CSMD3: variants seen among roughly 807,000 people sequenced by gnomAD.
The protein encoded by CSMD3 is CUB and sushi domain-containing protein 3.
A neutral mutation model predicts 435.2 loss-of-function variants in CSMD3; 177 were observed. The ratio of observed to expected loss-of-function variants is 0.41; its 90% confidence interval spans 0.36 to 0.46. The LOEUF (loss-of-function observed/expected upper bound fraction) is 0.46. Among genes scored for constraint, CSMD3 ranks in the 20% least tolerant of loss-of-function variants. The pLI is 0.34. For missense variants in CSMD3, 4,265 were observed against 4,504.6 expected (o/e 0.95, Z 1.52); for synonymous variants, 1,656 against 1,520.5 (o/e 1.09, Z -2.07).
At chr8:113,242,858 A>C (rs985146257) in intron 3 of CSMD3, among the ~76,000 whole-genome samples, 7 of 152,072 alleles carry the variant, frequency 4.6e-5, no homozygotes, top group Non-Finnish European at 1.0e-4. Context: ...ATTCTCAATT[A>C]ATATTTACTA....
intron 27 of CSMD3, among the ~76,000 whole-genome samples, chr8:112,534,820 AG>A (rs1825897860): frequency 1.3e-5 from 2 of 152,126 alleles, no homozygotes; most frequent in Non-Finnish European, 2.9e-5. Context: ...CACATCAAAA[AG>A]TTTATCCACC....
intron 4 of CSMD3, among the ~76,000 whole-genome samples, chr8:113,145,836 A>AT (rs1219262174): frequency 6.6e-6 from 1 of 151,348 alleles, no homozygotes; most frequent in African/African-American, 2.4e-5. Context: ...ATGAGTCCCT[A>AT]TTTTTTCCCT....
At chr8:112,840,700 T>G (rs1483705328) in intron 11 of CSMD3, among the ~76,000 whole-genome samples, 2 of 151,738 alleles carry the variant, frequency 1.3e-5, no homozygotes, top group Admixed American at 6.6e-5. Context: ...TATGTGTCAA[T>G]TATAAGTAAA....
intron 5 of CSMD3, among the ~76,000 whole-genome samples, chr8:113,026,729 A>G (rs1276227152): frequency 6.6e-6 from 1 of 152,112 alleles, no homozygotes; most frequent in Non-Finnish European, 1.5e-5. Context: ...CAATATTTCA[A>G]TTTATATTAT....
chr8:112,815,133 G>A (rs777033716), intron 12 of CSMD3, among the ~76,000 whole-genome samples: 22 of 151,922 alleles, frequency 1.4e-4, no homozygotes, highest in Non-Finnish European at 2.6e-4. Flanking sequence ...TCACAGTAGA[G>A]TGACAGTTCA....
intron 2 of CSMD3, among the ~76,000 whole-genome samples, chr8:113,281,888 C>A (rs1210863686): frequency 1.3e-5 from 2 of 151,960 alleles, no homozygotes; most frequent in African/African-American, 4.8e-5. Context: ...CAAATTCTCT[C>A]AGCATTTGTT....
intron 13 of CSMD3, among the ~76,000 whole-genome samples, chr8:112,747,980 A>C (rs865830039): frequency 2.6e-5 from 4 of 151,054 alleles, no homozygotes; most frequent in South Asian, 4.2e-4. Flanking sequence ...AAAAAAAAAA[A>C]AAAAAACAGG....
intron 10 of CSMD3, among the ~76,000 whole-genome samples, chr8:112,860,128 A>G (rs1479207314): frequency 6.6e-6 from 1 of 151,842 alleles, no homozygotes; most frequent in Non-Finnish European, 1.5e-5. Flanking sequence ...TGACATGGTC[A>G]AAGTCATGCT....
At chr8:112,537,499 A>T (rs1826234127) in intron 27 of CSMD3, among the ~76,000 whole-genome samples, 1 of 151,982 alleles carries the variant, frequency 6.6e-6, no homozygotes, top group African/African-American at 2.4e-5. Flanking sequence ...AGCTAGATTA[A>T]GAGAAAAGAG....
chr8:112,372,670 T>C (rs1309943768), intron 38 of CSMD3, among the ~76,000 whole-genome samples: 5 of 151,870 alleles, frequency 3.3e-5, no homozygotes, highest in Non-Finnish European at 7.4e-5. Flanking sequence ...GGCAACATGG[T>C]GAAACCCTGT....
chr8:112,878,146 G>T (rs191724516), intron 10 of CSMD3, among the ~76,000 whole-genome samples: 96 of 152,210 alleles, frequency 6.3e-4, no homozygotes, highest in Non-Finnish European at 1.2e-3. Flanking sequence ...TAGAATGGGA[G>T]AAAATTTTTG....
intron 44 of CSMD3, 134 bp downstream of exon 44, chr8:112,336,517 TG>T: frequency 2.7e-6 from 2 of 744,678 alleles, no homozygotes; most frequent in South Asian, 3.2e-5. Flanking sequence ...AGACACATAC[TG>T]TCACCCTCAG....
At chr8:112,410,616 G>GTATATATATATGTGTATATATATATATA (rs200328572) in intron 32 of CSMD3, among the ~76,000 whole-genome samples, 1 of 67,590 alleles carries the variant, frequency 1.5e-5, no homozygotes, top group Non-Finnish European at 3.0e-5. Context: ...ATATATATAT[G>GTATATATATATGTGTATATATATATATA]TATATATATG....
chr8:113,388,714 A>C (rs2133140692), intron 1 of CSMD3, among the ~76,000 whole-genome samples: 1 of 151,782 alleles, frequency 6.6e-6, no homozygotes, highest in Admixed American at 6.6e-5. Context: ...ACAGTTGCTA[A>C]GGTTCTTAAT....
intron 6 of CSMD3, among the ~76,000 whole-genome samples, chr8:112,992,941 T>A (rs189520655): frequency 1.3e-5 from 2 of 151,722 alleles, no homozygotes; most frequent in Non-Finnish European, 3.0e-5. Flanking sequence ...CCCTTTCCCC[T>A]AACAAGATCA....
At chr8:113,088,715 T>G (rs1214626627) in intron 5 of CSMD3, among the ~76,000 whole-genome samples, 73 of 61,436 alleles carry the variant, frequency 1.2e-3, no homozygotes, top group Admixed American at 4.2e-3. Context: ...TGCTGTGGGG[T>G]GGGGGGAGGG....
intron 9 of CSMD3, among the ~76,000 whole-genome samples, chr8:112,929,378 A>C (rs78489580): frequency 2.5e-5 from 1 of 40,016 alleles, no homozygotes; most frequent in Non-Finnish European, 5.5e-5. Context: ...AAAGCATAAT[A>C]AAAAAAAAAT....
At position 112,550,913 on chromosome 8, in the gene CSMD3, G is replaced by C. The variant is rs528614529; in HGVS notation, c.4362-40C>G. The C allele has an allele frequency of 1.4e-5, 20 of 1,454,276 alleles. No homozygotes were observed. In the South Asian group the frequency reaches 2.2e-4, roughly 16 times the overall value. The allele number at this position is 1,454,276 out of a possible 1,614,324, so 90.1% of individuals were successfully genotyped here. On this transcript the variant is annotated intron_variant, in intron 26 of 70. Coordinates refer to ENST00000297405, the MANE Select transcript of CSMD3 (RefSeq NM_198123.2). The stretch of plus-strand genomic sequence containing the variant: ...TATTTCTCTGATTATTTTAAACAAG[G>C]ATTCAACTTTAAAGAAAAAATAGAA...
At chr8:112,369,228 T>C (rs1278622113) in intron 38 of CSMD3, among the ~76,000 whole-genome samples, 1 of 152,070 alleles carries the variant, frequency 6.6e-6, no homozygotes, top group East Asian at 1.9e-4. Context: ...AGGAAAAATA[T>C]ATGAAAACAT....
Sources: allele counts gnomAD v4.1 joint callset (sites outside exome capture counted in the v4.1 genomes callset), GRCh38; gene constraint gnomAD v4.1.1; transcripts MANE v1.5; gene names NCBI Gene and HGNC (gene_info 2026-07-23, HGNC 2026-07-21).